The following OR5T2 variants were observed in gnomAD, a reference collection of about 807,000 sequenced individuals.
The protein encoded by OR5T2 is olfactory receptor 5T2.
Under a neutral mutation model 13.7 loss-of-function variants are expected in OR5T2, and 12 were observed. That is an observed-to-expected ratio of 0.88 (90% CI 0.56 to 1.42). The LOEUF is 1.42. Ranked by LOEUF, OR5T2 falls within the 40% of genes most tolerant of loss-of-function variation. The pLI is 0.00. For synonymous variants in OR5T2, 146 were observed against 139.5 expected (o/e 1.05, Z -0.33); for missense variants, 475 against 372.0 (o/e 1.28, Z -2.28).
intron 1 of OR5T2, among the ~76,000 whole-genome samples, chr11:56,233,736 A>G (rs1853329774): frequency 6.6e-6 from 1 of 152,076 alleles, no homozygotes; most frequent in African/African-American, 2.4e-5. Context: ...TCTCTGAATT[A>G]TTCTTTGGAG....
Position 56,232,245 on chromosome 11 carries a change from G to A in OR5T2, c.818C>T (p.Ser273Leu), listed in dbSNP as rs143289732. 4.3e-6 allele frequency: 7 copies of A among 1,613,356 alleles called. No individual in the cohort carries two copies. Among genetic ancestry groups the A allele is most frequent in the Non-Finnish European group, 5.9e-6 (7 of 1,179,686 alleles). The stretch of plus-strand genomic sequence containing the variant: ...GGGAATCACAATGGTGTAAAATATT[G>A]ACACTATCATGTCATGGTCCGAAGC... Reference protein sequence around the residue: ...SYASDHDMIVSIFYTIVIPLL... With the variant: ...SYASDHDMIVLIFYTIVIPLL... Residue 273 changes from serine to leucine, a missense_variant, in exon 2 of 2, where the codon TCA becomes TTA. Physicochemically the swap from Ser to Leu is moderately radical, Grantham distance 145. Transcript: ENST00000641661.
At position 56,232,148 on chromosome 11, in the gene OR5T2, T is replaced by C. The variant is rs1311785483; in HGVS notation, c.915A>G (p.Lys305=). 6.3e-7 allele frequency: 1 copy of C among 1,581,060 alleles called. No homozygotes were observed. The highest frequency in any genetic ancestry group is 8.6e-7 in the Non-Finnish European group (1 of 1,166,420). Residue 305 remains lysine, a synonymous_variant, in exon 2 of 2, where the codon AAA becomes AAG. Transcript: ENST00000641661. ...VKDSMKKMFG[K]NQVINKVYFH... is the part of the protein sequence containing the mutation. ...AATATACTTTATTGATAACCTGATT[T>C]TTCCCAAACATTTTTTTCATTGAGT...
intron 1 of OR5T2, among the ~76,000 whole-genome samples, chr11:56,233,628 T>G (rs983944077): frequency 6.6e-6 from 1 of 152,074 alleles, no homozygotes; most frequent in African/African-American, 2.4e-5. Context: ...TGTAAAATAA[T>G]TTTGATTATA....
chr11:56,232,160 T>A lies in OR5T2; in HGVS notation c.903A>T (p.Lys301Asn). ...RNKDVKDSMK[K>N]MFGKNQVINK... Reference sequence around the variant, plus strand: ...TGATAACCTGATTTTTCCCAAACATTTTTTTCATTGAGTCTTTTACATCTT... The same window carrying A: ...TGATAACCTGATTTTTCCCAAACATATTTTTCATTGAGTCTTTTACATCTT... Residue 301 changes from lysine to asparagine, a missense_variant, in exon 2 of 2, where the codon AAA becomes AAT. Coordinates refer to ENST00000641661, the MANE Select transcript of OR5T2 (RefSeq NM_001004746.4). The A allele has an allele frequency of 6.3e-7, 1 of 1,582,008 alleles. No individual in the cohort carries two copies. Among genetic ancestry groups the A allele is most frequent in the Non-Finnish European group, 8.6e-7 (1 of 1,169,248 alleles).
Position 56,232,456 on chromosome 11 carries a change from A to G in OR5T2, c.607T>C (p.Ser203Pro), listed in dbSNP as rs1853299692. Reference sequence around the variant, plus strand: ...ATCAGGATAGTGACCAGCTCGATAGAGCCCACAAAGTAGAAGAGTAGAAGC... The same window carrying G: ...ATCAGGATAGTGACCAGCTCGATAGGGCCCACAAAGTAGAAGAGTAGAAGC... ...NQLLLFYFVG[S>P]IELVTILIVL... Residue 203 changes from serine (S) to proline (P), a missense_variant, in exon 2 of 2, where the codon TCT (serine) becomes CCT (proline). Transcript: ENST00000641661. 1.2e-6 allele frequency: 2 copies of G among 1,606,894 alleles called. No homozygotes were observed. The highest frequency in any genetic ancestry group is 1.3e-5 in the African/African-American group (1 of 74,922).
At position 56,232,992 on chromosome 11, in the gene OR5T2, A is replaced by T. The variant is rs1170292263; in HGVS notation, c.71T>A (p.Ile24Asn). 1.2e-6 allele frequency: 2 copies of T among 1,606,770 alleles called. No homozygotes were observed. Among genetic ancestry groups the T allele is most frequent in the South Asian group, 2.2e-5 (2 of 89,924 alleles). Residue 24 changes from isoleucine to asparagine, a missense_variant, in exon 2 of 2, where the codon ATC becomes AAC. Physicochemically the swap from Ile to Asn is moderately radical, Grantham distance 149. Transcript: ENST00000641661. ...GFTDNLELQT[I>N]FFFLFLAIYL... ...GATTGCTAGAAACAGGAAGAAGAAG[A>T]TAGTCTGCAGTTCAAGATTGTCTGT...
Position 56,232,364 on chromosome 11 carries a change from T to C in OR5T2, c.699A>G (p.Arg233=). ...ILKMYSAEGR[R]KVFSTCGAHL... ...GAGCTCCACATGTGGAGAAGACTTTTCTCCTCCCTTCAGCAGAATACATCT... is the reference window on the plus strand; with the variant it reads ...GAGCTCCACATGTGGAGAAGACTTTCCTCCTCCCTTCAGCAGAATACATCT... Residue 233 remains arginine (R), a synonymous_variant, in exon 2 of 2, where the codon AGA becomes AGG. Coordinates refer to ENST00000641661, the MANE Select transcript of OR5T2 (RefSeq NM_001004746.4). The C allele has an allele frequency of 6.2e-7, 1 of 1,608,794 alleles. No individual in the cohort carries two copies. Among genetic ancestry groups the C allele is most frequent in the Non-Finnish European group, 8.5e-7 (1 of 1,177,270 alleles).
chr11:56,233,086 A>G lies in OR5T2; in HGVS notation c.-24T>C, dbSNP rs1376072182. Reference sequence around the variant, plus strand: ...ATGTTGAAATCTAGAACAAACTTGAAGATATGCATAAAGTTACAGTTCATA... The same window carrying G: ...ATGTTGAAATCTAGAACAAACTTGAGGATATGCATAAAGTTACAGTTCATA... On this transcript the variant is annotated 5_prime_UTR_variant, in exon 2 of 2. Coordinates refer to ENST00000641661, the MANE Select transcript of OR5T2 (RefSeq NM_001004746.4). 1 of 1,607,990 alleles carries G rather than the reference A, an allele frequency of 6.2e-7. No individual in the cohort carries two copies. Among genetic ancestry groups the G allele is most frequent in the Non-Finnish European group, 8.5e-7 (1 of 1,175,396 alleles).
At position 56,233,065 on chromosome 11, in the gene OR5T2, T is replaced by C; in HGVS notation, c.-3A>G. ...GTAACTTCAGTGACATTCTTCATGT[T>C]GAAATCTAGAACAAACTTGAAGATA... is the stretch of plus-strand genomic sequence containing the variant. On this transcript the variant is annotated 5_prime_UTR_variant, in exon 2 of 2. Coordinates refer to ENST00000641661, the MANE Select transcript of OR5T2 (RefSeq NM_001004746.4). 1 of 1,606,962 alleles carries C rather than the reference T, an allele frequency of 6.2e-7. No homozygotes were observed. Among genetic ancestry groups the C allele is most frequent in the East Asian group, 2.2e-5 (1 of 44,642 alleles).
rs373172071 is a variant in OR5T2 at position 56,232,811 on chromosome 11, C to T, written c.252G>A (p.Thr84=). The change falls in exon 2 of 2, where the codon ACG becomes ACA. Residue 84 remains threonine, a synonymous_variant. Transcript: ENST00000641661. The part of the protein sequence containing the change: ...VITPNMLVDF[T]TKNKVISFLG... ...GGAATGAAATGACTTTATTCTTTGT[C>T]GTAAAATCTACTAACATATTTGGGG... The T allele has an allele frequency of 2.1e-4, 339 of 1,613,848 alleles. No individual in the cohort carries two copies. The highest frequency in any genetic ancestry group is 3.3e-4 in the Middle Eastern group (2 of 6,060).
chr11:56,232,405 G>A lies in OR5T2; in HGVS notation c.658C>T (p.Leu220=), dbSNP rs1182630267. ...LIVLISYGLI[L]LAILKMYSAE... ...GAATACATCTTCAGAATGGCCAACA[G>A]AATCAAACCATAGGAGATCAGAACA... The change falls in exon 2 of 2, where the codon CTG becomes TTG. Residue 220 remains leucine (L), a synonymous_variant. Coordinates refer to ENST00000641661, the MANE Select transcript of OR5T2 (RefSeq NM_001004746.4). 6.2e-7 allele frequency: 1 copy of A among 1,610,730 alleles called. No homozygotes were observed. The highest frequency in any genetic ancestry group is 8.5e-7 in the Non-Finnish European group (1 of 1,178,104).
chr11:56,234,089 G>A (rs992581821), intron 1 of OR5T2, 88 bp downstream of exon 1: 8 of 151,876 alleles, frequency 5.3e-5, no homozygotes, highest in African/African-American at 1.7e-4. Flanking sequence ...TTTAAATATC[G>A]TGAATGTAAT....
In OR5T2 at chr11:56,232,387, T is replaced by A. The variant is rs777779926; in HGVS notation, c.676A>T (p.Met226Leu). The change falls in exon 2 of 2, where the codon ATG (methionine) becomes TTG (leucine). Residue 226 changes from methionine (M) to leucine (L), a missense_variant. By Grantham distance (15) the Met-to-Leu change is conservative. Coordinates refer to ENST00000641661, the MANE Select transcript of OR5T2 (RefSeq NM_001004746.4). Reference protein sequence around the residue: ...YGLILLAILKMYSAEGRRKVF... With the variant: ...YGLILLAILKLYSAEGRRKVF... ...TTTCTCCTCCCTTCAGCAGAATACATCTTCAGAATGGCCAACAGAATCAAA... is the reference window on the plus strand; with the variant it reads ...TTTCTCCTCCCTTCAGCAGAATACAACTTCAGAATGGCCAACAGAATCAAA... The A allele has an allele frequency of 1.9e-6, 3 of 1,610,540 alleles. No individual in the cohort carries two copies. Among genetic ancestry groups the A allele is most frequent in the Non-Finnish European group, 2.5e-6 (3 of 1,178,144 alleles).
Position 56,231,916 on chromosome 11 carries a change from G to T in OR5T2, c.*190C>A. 1 of 472,706 alleles carries T rather than the reference G, an allele frequency of 2.1e-6. No homozygotes were observed. Among genetic ancestry groups the T allele is most frequent in the Non-Finnish European group, 3.6e-6 (1 of 274,234 alleles). The allele number at this position is 472,706 out of a possible 1,614,324, so 29.3% of individuals were successfully genotyped here. A position where few individuals can be genotyped will look rare whatever the true frequency, so the allele number is the denominator to read the frequency against. The stretch of plus-strand genomic sequence containing the variant: ...ATTGGAACCCAGCCTTGGTGCAAGT[G>T]AAAGGAGGGCAGGAGAAGGTAAAAG... On this transcript the variant is annotated 3_prime_UTR_variant, in exon 2 of 2. Coordinates refer to ENST00000641661, the MANE Select transcript of OR5T2 (RefSeq NM_001004746.4).
Position 56,232,583 on chromosome 11 carries a change from A to G in OR5T2, c.480T>C (p.Ala160=). Residue 160 remains alanine, a synonymous_variant, in exon 2 of 2, where the codon GCT becomes GCC. Coordinates refer to ENST00000641661, the MANE Select transcript of OR5T2 (RefSeq NM_001004746.4). ...GILHATIHTV[A]TFSLSFCGAN... is the part of the protein sequence containing the mutation. ...CTCCACAGAAGGATAGGCTAAATGT[A>G]GCCACTGTATGTATAGTAGCATGTA... The G allele has an allele frequency of 6.2e-7, 1 of 1,614,122 alleles. No homozygotes were observed. Among genetic ancestry groups the G allele is most frequent in the Non-Finnish European group, 8.5e-7 (1 of 1,179,988 alleles).
Position 56,233,065 on chromosome 11 carries a change from T to G in OR5T2, c.-3A>C, listed in dbSNP as rs2134764871. On this transcript the variant is annotated 5_prime_UTR_variant, in exon 2 of 2. Transcript: ENST00000641661. ...GTAACTTCAGTGACATTCTTCATGT[T>G]GAAATCTAGAACAAACTTGAAGATA... The G allele has an allele frequency of 6.2e-7, 1 of 1,606,962 alleles. No individual in the cohort carries two copies. Among genetic ancestry groups the G allele is most frequent in the Non-Finnish European group, 8.5e-7 (1 of 1,174,426 alleles).
At position 56,232,752 on chromosome 11, in the gene OR5T2, C is replaced by T. The variant is rs1274623037; in HGVS notation, c.311G>A (p.Ser104Asn). The T allele has an allele frequency of 6.2e-7, 1 of 1,614,098 alleles. No individual in the cohort carries two copies. The change falls in exon 2 of 2, where the codon AGT (serine) becomes AAT (asparagine). Residue 104 changes from serine (S) to asparagine (N), a missense_variant. Coordinates refer to ENST00000641661, the MANE Select transcript of OR5T2 (RefSeq NM_001004746.4). ...GAGAAAGCATTCTGTGGTTCCAAAA[C>T]TACAAGCAAGAAACACCTGTGCTAC... ...GCVAQVFLAC[S>N]FGTTECFLLA...
Position 56,232,482 on chromosome 11 carries a change from T to C in OR5T2, c.581A>G (p.Gln194Arg). The C allele has an allele frequency of 6.2e-7, 1 of 1,606,690 alleles. No individual in the cohort carries two copies. Among genetic ancestry groups the C allele is most frequent in the Non-Finnish European group, 8.5e-7 (1 of 1,176,156 alleles). The stretch of plus-strand genomic sequence containing the variant: ...GCCCACAAAGTAGAAGAGTAGAAGC[T>C]GGTTTGTGTGAGTGTCAGAATAAGA... ...AISYSDTHTN[Q>R]LLLFYFVGSI... is the part of the protein sequence containing the mutation. The change falls in exon 2 of 2, where the codon CAG (glutamine) becomes CGG (arginine). Residue 194 changes from glutamine (Q) to arginine (R), a missense_variant. By Grantham distance (43) the Gln-to-Arg change is conservative. Coordinates refer to ENST00000641661, the MANE Select transcript of OR5T2 (RefSeq NM_001004746.4).
At chr11:56,234,038 A>G (rs1276810509) in intron 1 of OR5T2, 139 bp downstream of exon 1, 2 of 152,078 alleles carry the variant, frequency 1.3e-5, no homozygotes, top group African/African-American at 4.8e-5. Context: ...ATTAATGCAA[A>G]TCTATTTTTA....
Sources: allele counts gnomAD v4.1 joint callset (sites outside exome capture counted in the v4.1 genomes callset), GRCh38; gene constraint gnomAD v4.1.1; transcripts MANE v1.5; gene names NCBI Gene and HGNC (gene_info 2026-07-23, HGNC 2026-07-21).